The following RXRG variants were observed in gnomAD, a reference collection of about 807,000 sequenced individuals.
RXRG encodes the protein retinoic acid receptor RXR-gamma.
In RXRG, 19 loss-of-function variants were observed where a neutral mutation model predicts 49.2. The ratio of observed to expected loss-of-function variants is 0.39; its 90% confidence interval spans 0.27 to 0.57. The LOEUF (loss-of-function observed/expected upper bound fraction) is 0.57. Among genes scored for constraint, RXRG ranks in the 20% least tolerant of loss-of-function variants. The probability of loss-of-function intolerance (pLI) is 0.64; values close to 1 mark genes in which losing one functional copy is unlikely to be tolerated. For synonymous variants in RXRG, 224 were observed against 216.6 expected, an observed-to-expected ratio of 1.03 and a Z score of -0.30; for missense variants, 452 against 592.5, an observed-to-expected ratio of 0.76 and a Z score of 2.46.
chr1:165,427,402 ATGTTTTGTTTTGTTTTGTTTTGTTT>A (rs67818708), intron 2 of RXRG, among the ~76,000 whole-genome samples: 10 of 149,610 alleles, frequency 6.7e-5, no homozygotes, highest in South Asian at 6.5e-4. Context: ...AATCTGTCAT[ATGTTTTGTTTTGTTTTGTTTTGTTT>A]TGTTTTGTTT....
At chr1:165,411,180 A>G (rs570679361) in intron 4 of RXRG, 71 bp from the exon 5 acceptor site, 951 of 1,442,930 alleles carry the variant, frequency 6.6e-4, no homozygotes, top group Non-Finnish European at 8.0e-4. Context: ...TATTACCCAC[A>G]TGAGCCTCAA....
At chr1:165,407,919 C>A (rs1238412389) in intron 8 of RXRG, among the ~76,000 whole-genome samples, 1 of 151,894 alleles carries the variant, frequency 6.6e-6, no homozygotes, top group Non-Finnish European at 1.5e-5. Flanking sequence ...ATATTCAATC[C>A]ATCAGCAAAT....
chr1:165,423,276 A>G (rs1279621198), intron 2 of RXRG, among the ~76,000 whole-genome samples: 1 of 152,194 alleles, frequency 6.6e-6, no homozygotes, highest in East Asian at 1.9e-4. Flanking sequence ...AGTCTACTGA[A>G]ATAAGCACTT....
rs1481238826 is a variant in RXRG, at chr1:165,428,924, G to A, written c.92C>T (p.Ala31Val). The A allele has an allele frequency of 1.2e-6, 2 of 1,613,566 alleles. No individual in the cohort carries two copies. The highest frequency in any genetic ancestry group is 1.7e-6 in the Non-Finnish European group (2 of 1,179,916). ...CATTGGCTTCCCTGTGGACAAGGCT[G>A]CTGATGGGCTCATGGATGTAGAGCC... ...HTGSTSMSPSAALSTGKPMDS... is the reference protein window; with the variant it reads ...HTGSTSMSPSVALSTGKPMDS... The change falls in exon 2 of 10, where the codon GCA (alanine) becomes GTA (valine). Residue 31 changes from alanine (A) to valine (V), a missense_variant. Around this residue, in one of 2 missense-constraint regions of RXRG, gnomAD observed 166 missense variants for 151.7 expected, o/e 1.09. Coordinates refer to ENST00000359842, the MANE Select transcript of RXRG (RefSeq NM_006917.5).
chr1:165,441,727 T>TG (rs761130048), intron 1 of RXRG, among the ~76,000 whole-genome samples: 98 of 152,020 alleles, frequency 6.4e-4, no homozygotes, highest in Admixed American at 1.7e-3. Flanking sequence ...CACAATTGGA[T>TG]GGGGGGGATT....
At chr1:165,427,694 G>A (rs1368236924) in intron 2 of RXRG, among the ~76,000 whole-genome samples, 2 of 152,040 alleles carry the variant, frequency 1.3e-5, no homozygotes, top group African/African-American at 2.4e-5. Flanking sequence ...CACCCACTTC[G>A]GCCTCCCAAA....
rs749399300 is a variant in RXRG, at chr1:165,409,655, G to A, written c.949C>T (p.Arg317Cys). 50 of 1,556,194 alleles carry A rather than the reference G, an allele frequency of 3.2e-5. No homozygotes were observed. Among genetic ancestry groups the A allele is most frequent in the Non-Finnish European group, 4.3e-5 (49 of 1,151,652 alleles). The change falls in exon 7 of 10, where the codon CGC becomes TGC. Residue 317 changes from arginine (R) to cysteine (C), a missense_variant. By Grantham distance (180) the Arg-to-Cys change is radical (BLOSUM62 -3). This residue lies in a region of RXRG where 286 missense variants were observed against 440.9 expected (regional missense o/e 0.65). Coordinates refer to ENST00000359842, the MANE Select transcript of RXRG (RefSeq NM_006917.5). The stretch of plus-strand genomic sequence containing the variant: ...ATGCCATCCTGCACGGAAACTGAGC[G>A]GTGGGAGAAAGAGGCAATCAGCAAT... Reference protein sequence around the residue: ...NELLIASFSHRSVSVQDGILL... With the variant: ...NELLIASFSHCSVSVQDGILL...
chr1:165,414,957 A>G (rs528289784), intron 4 of RXRG, among the ~76,000 whole-genome samples: 12 of 152,350 alleles, frequency 7.9e-5, no homozygotes, highest in African/African-American at 2.9e-4. Flanking sequence ...AATGGCTACA[A>G]TGTATTAGTC....
At position 165,434,346 on chromosome 1, in the gene RXRG, G is replaced by A. The variant is rs913831022; in HGVS notation, c.50-5380C>T. 2.0e-5 allele frequency among the ~76,000 whole-genome samples: 3 copies of A among 151,762 alleles called. 1 individual carries two copies. Among genetic ancestry groups the A allele is most frequent in the Admixed American group, 6.6e-5 (1 of 15,228 alleles). Reference sequence around the variant, plus strand: ...ACTTACTGAGAAAGGGGACACAAAAGCCAGGGTACTTAGAACTACAGAATT... The same window carrying A: ...ACTTACTGAGAAAGGGGACACAAAAACCAGGGTACTTAGAACTACAGAATT... On this transcript the variant is annotated intron_variant, in intron 1 of 9. Transcript: ENST00000359842.
In RXRG at chr1:165,434,585, G is replaced by A. The variant is rs3767358; in HGVS notation, c.50-5619C>T. On this transcript the variant is annotated intron_variant, in intron 1 of 9. Transcript: ENST00000359842. Reference sequence around the variant, plus strand: ...AAACTTGTAATGAATCATTGATAACGGCTAATGCCCACCCATGGGGAAAGG... The same window carrying A: ...AAACTTGTAATGAATCATTGATAACAGCTAATGCCCACCCATGGGGAAAGG... Among the ~76,000 whole-genome samples, 734 of 152,236 alleles carry A rather than the reference G, an allele frequency of 4.8e-3. 2 individuals are homozygous for A. The highest frequency in any genetic ancestry group is 0.015 in the African/African-American group (608 of 41,530).
intron 1 of RXRG, among the ~76,000 whole-genome samples, chr1:165,444,058 C>A (rs924401072): frequency 2.6e-5 from 4 of 152,102 alleles, no homozygotes; most frequent in African/African-American, 9.7e-5. Context: ...TGTGCTTGGG[C>A]GTTAAGGCAG....
At chr1:165,443,631 T>G (rs930997035) in intron 1 of RXRG, among the ~76,000 whole-genome samples, 2 of 152,154 alleles carry the variant, frequency 1.3e-5, no homozygotes, top group African/African-American at 4.8e-5. Flanking sequence ...TGTGTCTCAT[T>G]CATATTTGTA....
chr1:165,415,894 G>A (rs940630290), intron 4 of RXRG, among the ~76,000 whole-genome samples: 3 of 152,262 alleles, frequency 2.0e-5, no homozygotes, highest in East Asian at 1.9e-4. Context: ...GAGACCTGGG[G>A]TCAGTTCATT....
Position 165,401,380 on chromosome 1 carries a change from A to T in RXRG, c.1275T>A (p.Ala425=), listed in dbSNP as rs943598679. 6.8e-6 allele frequency: 11 copies of T among 1,614,202 alleles called. No individual in the cohort carries two copies. The highest frequency in any genetic ancestry group is 5.9e-6 in the Non-Finnish European group (7 of 1,180,026). The stretch of plus-strand genomic sequence containing the variant: ...GGCATTTCAAGCCAATGGAACGCAG[A>T]GCTGGGAGGCGCAGCAGCAGCTTGG... The part of the protein sequence containing the change: ...RFAKLLLRLP[A]LRSIGLKCLE... The change falls in exon 10 of 10, where the codon GCT becomes GCA. Residue 425 remains alanine (A), a synonymous_variant. Coordinates refer to ENST00000359842, the MANE Select transcript of RXRG (RefSeq NM_006917.5).
At chr1:165,408,771 G>A (rs1422050066) in intron 7 of RXRG, among the ~76,000 whole-genome samples, 1 of 152,168 alleles carries the variant, frequency 6.6e-6, no homozygotes, top group Non-Finnish European at 1.5e-5. Context: ...CACCATGTTG[G>A]GCTCTACATG....
chr1:165,407,855 A>T (rs943483787), intron 8 of RXRG, among the ~76,000 whole-genome samples: 6 of 21,978 alleles, frequency 2.7e-4, no homozygotes, highest in South Asian at 3.8e-3. Flanking sequence ...ACAAAACTTA[A>T]AAAAAAAAAA....
At position 165,445,022 on chromosome 1, in the gene RXRG, G is replaced by T. The variant is rs1659117326; in HGVS notation, c.-129C>A. 1.3e-6 allele frequency: 1 copy of T among 793,036 alleles called. No individual in the cohort carries two copies. Among genetic ancestry groups the T allele is most frequent in the East Asian group, 2.5e-5 (1 of 39,898 alleles). The allele number at this position is 793,036 out of a possible 1,614,324, so 49.1% of individuals were successfully genotyped here. A position where few individuals can be genotyped will look rare whatever the true frequency, so the allele number is the denominator to read the frequency against. On this transcript the variant is annotated 5_prime_UTR_variant, in exon 1 of 10. Transcript: ENST00000359842. Reference sequence around the variant, plus strand: ...AGTGGTCATCGCTTCCTAGCAGCCCGGGGAGCACAGGCTGGGCCAGCCCTC... The same window carrying T: ...AGTGGTCATCGCTTCCTAGCAGCCCTGGGAGCACAGGCTGGGCCAGCCCTC...
intron 9 of RXRG, 42 bp downstream of exon 9, chr1:165,406,770 G>A (rs1389792284): frequency 3.0e-6 from 4 of 1,348,296 alleles, no homozygotes; most frequent in East Asian, 2.3e-5. Context: ...AAGAGTGGGA[G>A]TAGTTGCTGC....
At chr1:165,439,483 C>G (rs949080638) in intron 1 of RXRG, among the ~76,000 whole-genome samples, 1 of 152,194 alleles carries the variant, frequency 6.6e-6, no homozygotes, top group Non-Finnish European at 1.5e-5. Flanking sequence ...CCAGCTGGTC[C>G]GAACTGGGGT....
Sources: gnomAD v4.1 joint callset for allele counts (sites outside exome capture counted in the v4.1 genomes callset) on GRCh38, gnomAD v4.1.1 for gene constraint, gnomAD v4.1.1 regional missense constraint, MANE v1.5 for transcripts, NCBI Gene and HGNC (gene_info 2026-07-23, HGNC 2026-07-21) for gene names.